RBM19: variants seen among roughly 807,000 people sequenced by gnomAD.
RBM19 encodes RNA binding motif protein 19, also known as probable RNA-binding protein 19.
Under a neutral mutation model 116.8 loss-of-function variants are expected in RBM19, and 94 were observed. That is an observed-to-expected ratio of 0.80 (90% CI 0.68 to 0.95). The LOEUF is 0.95. Among genes scored for constraint, RBM19 ranks in the 40% least tolerant of loss-of-function variants. The pLI, the probability that RBM19 is intolerant of heterozygous loss-of-function variation, is 0.00. For synonymous variants in RBM19, 475 were observed against 494.1 expected, an observed-to-expected ratio of 0.96 and a Z score of 0.51; for missense variants, 1,161 against 1,220.7, an observed-to-expected ratio of 0.95 and a Z score of 0.73.
chr12:113,904,371 AG>A (rs1881908729), intron 21 of RBM19, among the ~76,000 whole-genome samples: 1 of 152,228 alleles, frequency 6.6e-6, no homozygotes, highest in Non-Finnish European at 1.5e-5. Context: ...AAGACAGCAC[AG>A]GAAGAGTATC....
intron 21 of RBM19, among the ~76,000 whole-genome samples, chr12:113,914,269 C>A (rs1370185074): frequency 6.6e-6 from 1 of 152,244 alleles, no homozygotes; most frequent in African/African-American, 2.4e-5. Flanking sequence ...GAGAGAGGCC[C>A]GCCTGCTGCT....
intron 21 of RBM19, among the ~76,000 whole-genome samples, chr12:113,891,320 G>A (rs1250473447): frequency 6.6e-6 from 1 of 152,190 alleles, no homozygotes; most frequent in Non-Finnish European, 1.5e-5. Flanking sequence ...TTCCTCCCAT[G>A]GGGAAGTCAA....
chr12:113,852,550 T>C (rs1021318350), intron 22 of RBM19, among the ~76,000 whole-genome samples: 5 of 152,238 alleles, frequency 3.3e-5, no homozygotes, highest in Admixed American at 3.3e-4. Context: ...TCGGTTAACA[T>C]TTTGGGACAC....
chr12:113,832,058 G>T (rs1278965376), intron 23 of RBM19, among the ~76,000 whole-genome samples: 1 of 152,202 alleles, frequency 6.6e-6, no homozygotes, highest in East Asian at 1.9e-4. Flanking sequence ...CAGCAGCTGA[G>T]ATAGCCAGGG....
At chr12:113,939,166 C>T (rs1039258382) in intron 15 of RBM19, among the ~76,000 whole-genome samples, 3 of 152,030 alleles carry the variant, frequency 2.0e-5, no homozygotes, top group East Asian at 1.9e-4. Context: ...ATTAGCCAGG[C>T]GTGGTGGTGC....
chr12:113,911,212 C>T (rs898071350), intron 21 of RBM19, among the ~76,000 whole-genome samples: 4 of 152,158 alleles, frequency 2.6e-5, no homozygotes, highest in African/African-American at 7.2e-5. Context: ...TGCATACTTG[C>T]ACAGTCTGGG....
In RBM19 at chr12:113,861,762, C is replaced by T. The variant is rs1378337196; in HGVS notation, c.2559-2866G>A. Among the ~76,000 whole-genome samples the T allele has an allele frequency of 2.0e-5, 3 of 152,142 alleles. No homozygotes were observed. In the East Asian group the frequency reaches 5.8e-4, roughly 29 times the overall value. On this transcript the variant is annotated intron_variant, in intron 21 of 23. Transcript: ENST00000261741. ...ATGCTTTTGTGGCCTGCAAAAGTGG[C>T]ATTTGAGAGTTCAGCAGGGAAAGCT... is the stretch of plus-strand genomic sequence containing the variant.
At chr12:113,936,782 CT>C (rs11349536) in intron 16 of RBM19, 38,791 of 496,172 alleles carry the variant, frequency 0.078, 1,732 homozygotes, top group East Asian at 0.12. Flanking sequence ...TTTTTTTCCC[CT>C]AAAAGCTTTA....
At chr12:113,846,550 G>T (rs1209042991) in intron 22 of RBM19, among the ~76,000 whole-genome samples, 2 of 152,208 alleles carry the variant, frequency 1.3e-5, no homozygotes, top group African/African-American at 2.4e-5. Context: ...ATGCCGTGGG[G>T]AGATGGAGGC....
intron 21 of RBM19, among the ~76,000 whole-genome samples, chr12:113,889,680 A>G (rs1449919286): frequency 6.6e-6 from 1 of 152,152 alleles, no homozygotes; most frequent in Admixed American, 6.5e-5. Flanking sequence ...CAACAAAAAA[A>G]AAAACAAAAA....
At chr12:113,888,196 T>C (rs1006709835) in intron 21 of RBM19, among the ~76,000 whole-genome samples, 1 of 152,184 alleles carries the variant, frequency 6.6e-6, no homozygotes, top group Non-Finnish European at 1.5e-5. Context: ...TCTGCCAGCA[T>C]GTGCACTGCT....
At chr12:113,857,778 G>C (rs1878020131) in intron 22 of RBM19, among the ~76,000 whole-genome samples, 1 of 152,262 alleles carries the variant, frequency 6.6e-6, no homozygotes, top group African/African-American at 2.4e-5. Context: ...CCACAGCTGT[G>C]TCCTGGAGCT....
At chr12:113,911,773 C>T (rs1202023741) in intron 21 of RBM19, among the ~76,000 whole-genome samples, 1 of 152,150 alleles carries the variant, frequency 6.6e-6, no homozygotes, top group Non-Finnish European at 1.5e-5. Context: ...CCCCCAGAAA[C>T]ATGAGGCACT....
downstream of RBM19, among the ~76,000 whole-genome samples, chr12:113,819,739 G>T (rs1363442577): frequency 6.6e-6 from 1 of 152,140 alleles, no homozygotes; most frequent in South Asian, 2.1e-4. Flanking sequence ...ACCCCCACAT[G>T]CTGGATGGAG....
At chr12:113,854,502 A>C (rs966461655) in intron 22 of RBM19, among the ~76,000 whole-genome samples, 3 of 151,544 alleles carry the variant, frequency 2.0e-5, no homozygotes, top group African/African-American at 7.3e-5. Flanking sequence ...GCTTCCCTCC[A>C]CATGTGGGGA....
intron 19 of RBM19, among the ~76,000 whole-genome samples, chr12:113,919,670 TAG>T (rs1279597514): frequency 1.3e-5 from 2 of 152,208 alleles, no homozygotes; most frequent in Non-Finnish European, 2.9e-5. Context: ...CCCCTCCTGC[TAG>T]AGAGTATCAA....
chr12:113,950,946 C>T (rs576456069), intron 8 of RBM19, among the ~76,000 whole-genome samples: 4 of 152,232 alleles, frequency 2.6e-5, no homozygotes, highest in South Asian at 4.1e-4. Flanking sequence ...CTCCCTTAGA[C>T]GATGGCAAAC....
intron 23 of RBM19, among the ~76,000 whole-genome samples, chr12:113,829,251 G>A (rs989709111): frequency 1.3e-5 from 2 of 152,242 alleles, no homozygotes; most frequent in Non-Finnish European, 2.9e-5. Flanking sequence ...AACGTGCTGG[G>A]ATTATAGGCA....
rs1364696171 is a variant in RBM19, at chr12:113,898,937, C to T, written c.2558+16032G>A. On this transcript the variant is annotated intron_variant, in intron 21 of 23. Coordinates refer to ENST00000261741, the MANE Select transcript of RBM19 (RefSeq NM_016196.4). The surrounding 1 kb of genome is among the most constrained non-coding windows in gnomAD (Gnocchi z 4.3). Reference sequence around the variant, plus strand: ...GAAATTGTGTTTTGGTTTTATAGTCCTAAAAGAACCATAAGCATGAGTTGT... The same window carrying T: ...GAAATTGTGTTTTGGTTTTATAGTCTTAAAAGAACCATAAGCATGAGTTGT... Among the ~76,000 whole-genome samples the T allele has an allele frequency of 2.0e-5, 3 of 152,020 alleles. No individual in the cohort carries two copies. Among genetic ancestry groups the T allele is most frequent in the Non-Finnish European group, 4.4e-5 (3 of 68,012 alleles).
Sources: gnomAD v4.1 joint callset for allele counts (sites outside exome capture counted in the v4.1 genomes callset) on GRCh38, gnomAD v4.1.1 for gene constraint, Gnocchi (gnomAD v3.1) non-coding constraint, MANE v1.5 for transcripts, NCBI Gene and HGNC (gene_info 2026-07-23, HGNC 2026-07-21) for gene names.